Variants in DNAAF4 observed in about 807,000 individuals in gnomAD.
DNAAF4 encodes dynein axonemal assembly factor 4, also known as dynein assembly factor 4, axonemal.
DNAAF4 carries 43 observed loss-of-function variants against 51.8 expected under a neutral mutation model. That is an observed-to-expected ratio of 0.83 (90% CI 0.65 to 1.07). The LOEUF is 1.07. Ranked by LOEUF, DNAAF4 falls within the 50% of genes least tolerant of loss-of-function variation. DNAAF4 has a pLI of 0.00. For missense variants in DNAAF4, 581 were observed against 493.0 expected, an observed-to-expected ratio of 1.18 and a Z score of -1.69; for synonymous variants, 194 against 165.6, an observed-to-expected ratio of 1.17 and a Z score of -1.32.
intron 6 of DNAAF4, among the ~76,000 whole-genome samples, chr15:55,447,254 G>T (rs1462404325): frequency 6.6e-6 from 1 of 150,674 alleles, no homozygotes; most frequent in African/African-American, 2.4e-5. Context: ...TTCCCAGATG[G>T]GGTGGCGGTC....
chr15:55,460,179 A>ATTT lies in DNAAF4; in HGVS notation c.637+6748_637+6750dup, dbSNP rs760588937. 6.5e-5 allele frequency among the ~76,000 whole-genome samples: 8 copies of ATTT among 123,786 alleles called. 1 individual carries two copies. The highest frequency in any genetic ancestry group is 7.6e-5 in the Non-Finnish European group (4 of 52,962). The allele number at this position is 123,786 out of a possible 152,430, so 81.2% of individuals were successfully genotyped here. ...AATTTATTTATTTATTTATTTACTT[A>ATTT]TTTATTTATTTTTTTTTTTGAGACA... On this transcript the variant is annotated intron_variant, in intron 5 of 9. Coordinates refer to ENST00000321149, the MANE Select transcript of DNAAF4 (RefSeq NM_130810.4).
intron 4 of DNAAF4, among the ~76,000 whole-genome samples, chr15:55,486,737 C>T (rs917447097): frequency 3.3e-5 from 5 of 151,128 alleles, no homozygotes; most frequent in East Asian, 1.9e-4. Context: ...GCTGTAATTG[C>T]GCCATTTTGC....
At chr15:55,490,750 G>A (rs1267545387) in intron 4 of DNAAF4, among the ~76,000 whole-genome samples, 2 of 152,036 alleles carry the variant, frequency 1.3e-5, no homozygotes, top group South Asian at 2.1e-4. Flanking sequence ...TCAGGAGATC[G>A]AGACCATCCC....
intron 4 of DNAAF4, among the ~76,000 whole-genome samples, chr15:55,468,587 C>T (rs1026026044): frequency 3.3e-5 from 5 of 152,164 alleles, no homozygotes; most frequent in African/African-American, 7.2e-5. Context: ...ACCTAAAAGA[C>T]GACTTCACCC....
intron 4 of DNAAF4, among the ~76,000 whole-genome samples, chr15:55,483,731 G>A (rs2141563106): frequency 6.8e-6 from 1 of 147,476 alleles, no homozygotes; most frequent in South Asian, 2.2e-4. Flanking sequence ...TAGTAGAGAT[G>A]GGCCAGGCTG....
At chr15:55,469,588 T>A (rs1030376675) in intron 4 of DNAAF4, among the ~76,000 whole-genome samples, 2 of 139,032 alleles carry the variant, frequency 1.4e-5, no homozygotes, top group African/African-American at 5.2e-5. Flanking sequence ...GTTCATGCCA[T>A]TCTCCTGCCT....
At chr15:55,450,071 C>T (rs1377163949) in intron 6 of DNAAF4, 151 bp downstream of exon 6, 3 of 946,182 alleles carry the variant, frequency 3.2e-6, no homozygotes, top group Non-Finnish European at 4.4e-6. Context: ...AATATATTTT[C>T]TCATAAGGAA....
intron 6 of DNAAF4, chr15:55,442,998 C>G: frequency 6.2e-7 from 1 of 1,611,568 alleles, no homozygotes; most frequent in Non-Finnish European, 8.5e-7. Context: ...ATTCAAAGCC[C>G]AGGCCATCAT....
At chr15:55,484,219 C>T (rs982936690) in intron 4 of DNAAF4, among the ~76,000 whole-genome samples, 8 of 152,098 alleles carry the variant, frequency 5.3e-5, no homozygotes, top group Admixed American at 1.3e-4. Flanking sequence ...CGCGGTGGCT[C>T]ATGCCTGTAA....
chr15:55,452,709 T>C (rs751191700), intron 5 of DNAAF4, among the ~76,000 whole-genome samples: 4 of 152,292 alleles, frequency 2.6e-5, no homozygotes, highest in South Asian at 2.1e-4. Context: ...GTTCAATATA[T>C]AGTTCAGTTT....
intron 4 of DNAAF4, among the ~76,000 whole-genome samples, chr15:55,474,866 C>A (rs1476207681): frequency 6.6e-6 from 1 of 152,046 alleles, no homozygotes; most frequent in Non-Finnish European, 1.5e-5. Flanking sequence ...GTAATCCCAG[C>A]TACTCTGGAG....
intron 4 of DNAAF4, among the ~76,000 whole-genome samples, chr15:55,478,098 A>G (rs8027092): frequency 5.9e-5 from 9 of 152,116 alleles, no homozygotes; most frequent in African/African-American, 9.7e-5. Context: ...GAACATCATC[A>G]TTACTACTGA....
intron 5 of DNAAF4, among the ~76,000 whole-genome samples, chr15:55,456,113 CTT>C (rs1213800643): frequency 6.7e-6 from 1 of 148,422 alleles, no homozygotes; most frequent in Non-Finnish European, 1.5e-5. Context: ...GAGTTTCACT[CTT>C]GTTGCCCAGG....
downstream of DNAAF4, among the ~76,000 whole-genome samples, chr15:55,427,101 C>T (rs370677937): frequency 3.3e-5 from 5 of 152,076 alleles, no homozygotes; most frequent in East Asian, 5.8e-4. Flanking sequence ...CAGTCTCGCT[C>T]TGTCGCCCAG....
At chr15:55,477,604 T>A (rs2141544946) in intron 4 of DNAAF4, among the ~76,000 whole-genome samples, 1 of 152,138 alleles carries the variant, frequency 6.6e-6, no homozygotes, top group South Asian at 2.1e-4. Context: ...GAAAAATAAA[T>A]TTTAAAAATA....
chr15:55,489,091 A>C (rs117942045), intron 4 of DNAAF4, among the ~76,000 whole-genome samples: 7,675 of 151,820 alleles, frequency 0.051, 275 homozygotes, highest in East Asian at 0.15. Flanking sequence ...TCCATCTCAA[A>C]AAAAAAAAAC....
At chr15:55,457,294 C>A (rs1446378713) in intron 5 of DNAAF4, among the ~76,000 whole-genome samples, 2 of 152,146 alleles carry the variant, frequency 1.3e-5, no homozygotes, top group African/African-American at 4.8e-5. Flanking sequence ...TTTCCCCCAC[C>A]TCCCTGGTGA....
At chr15:55,439,248 TCAC>T (rs1461917899) in intron 7 of DNAAF4, among the ~76,000 whole-genome samples, 2 of 152,282 alleles carry the variant, frequency 1.3e-5, no homozygotes, top group African/African-American at 2.4e-5. Flanking sequence ...CTACAGGTGC[TCAC>T]CACCACACCA....
At chr15:55,437,595 G>A (rs1302319503) in intron 7 of DNAAF4, among the ~76,000 whole-genome samples, 1 of 152,102 alleles carries the variant, frequency 6.6e-6, no homozygotes, top group Non-Finnish European at 1.5e-5. Context: ...ATGTGAATAA[G>A]TTAAAGAGTT....
Sources: allele counts gnomAD v4.1 joint callset (sites outside exome capture counted in the v4.1 genomes callset), GRCh38; gene constraint gnomAD v4.1.1; transcripts MANE v1.5; gene names NCBI Gene and HGNC (gene_info 2026-07-23, HGNC 2026-07-21).